Variants in NDST3 observed in about 807,000 individuals in gnomAD.
NDST3 encodes bifunctional heparan sulfate N-deacetylase/N-sulfotransferase 3.
NDST3 carries 58 observed loss-of-function variants against 96.1 expected under a neutral mutation model. That is an observed-to-expected ratio of 0.60 (90% CI 0.49 to 0.75). The LOEUF (loss-of-function observed/expected upper bound fraction) is 0.75, where lower values mean the gene tolerates loss of function less well. NDST3 is among the 30% of genes least tolerant of loss of function. The pLI is 0.00. For synonymous variants in NDST3, 333 were observed against 359.7 expected (o/e 0.93, Z 0.84); for missense variants, 788 against 1,034.2 (o/e 0.76, Z 3.27).
intron 1 of NDST3, among the ~76,000 whole-genome samples, chr4:118,036,489 T>C (rs1342449028): frequency 2.0e-5 from 3 of 152,194 alleles, no homozygotes; most frequent in Non-Finnish European, 4.4e-5. Flanking sequence ...CTGTGTCTAT[T>C]ATAAATGAGC....
chr4:118,041,688 T>C (rs1346282663), intron 1 of NDST3, among the ~76,000 whole-genome samples: 1 of 152,228 alleles, frequency 6.6e-6, no homozygotes, highest in Non-Finnish European at 1.5e-5. Context: ...AGTACCCTAC[T>C]GACCATGCAA....
At chr4:118,172,108 A>G (rs1735991660) in intron 6 of NDST3, among the ~76,000 whole-genome samples, 2 of 152,222 alleles carry the variant, frequency 1.3e-5, no homozygotes, top group Non-Finnish European at 2.9e-5. Context: ...CTCAATGTTC[A>G]TTGCAGTTGG....
chr4:118,186,432 G>A (rs904318634), intron 6 of NDST3, among the ~76,000 whole-genome samples: 6 of 152,166 alleles, frequency 3.9e-5, no homozygotes, highest in Non-Finnish European at 8.8e-5. Flanking sequence ...GCAAGCCAAG[G>A]AGCAAGGAAG....
intron 2 of NDST3, among the ~76,000 whole-genome samples, chr4:118,078,102 C>G (rs573807350): frequency 1.3e-5 from 2 of 152,198 alleles, no homozygotes; most frequent in African/African-American, 4.8e-5. Context: ...TGCACAGGAC[C>G]CCACGGGGCT....
At chr4:118,057,844 A>C (rs1211489708) in intron 2 of NDST3, among the ~76,000 whole-genome samples, 1 of 152,062 alleles carries the variant, frequency 6.6e-6, no homozygotes, top group African/African-American at 2.4e-5. Context: ...AAAGGAAAAA[A>C]GAGAAATTAT....
intron 9 of NDST3, among the ~76,000 whole-genome samples, chr4:118,235,091 C>T (rs867758653): frequency 7.5e-6 from 1 of 132,656 alleles, no homozygotes; most frequent in African/African-American, 2.7e-5. Flanking sequence ...ACCCAAATAA[C>T]AAATAAATGT....
At chr4:118,108,258 G>A (rs1047976699) in intron 3 of NDST3, among the ~76,000 whole-genome samples, 2 of 152,166 alleles carry the variant, frequency 1.3e-5, no homozygotes, top group Non-Finnish European at 2.9e-5. Context: ...CAGTGAAGAA[G>A]AGAATTTGAG....
At chr4:118,163,965 A>T (rs1293906245) in intron 6 of NDST3, among the ~76,000 whole-genome samples, 1 of 152,128 alleles carries the variant, frequency 6.6e-6, no homozygotes, top group Admixed American at 6.6e-5. Context: ...TAAAGACAGA[A>T]CTACCATTTG....
chr4:118,053,397 T>C (rs1186367118), intron 1 of NDST3, among the ~76,000 whole-genome samples: 1 of 152,014 alleles, frequency 6.6e-6, no homozygotes, highest in Non-Finnish European at 1.5e-5. Context: ...TGAGTATGTA[T>C]TACATAATGT....
intron 1 of NDST3, among the ~76,000 whole-genome samples, chr4:118,048,233 G>C (rs751290196): frequency 2.6e-5 from 4 of 152,014 alleles, no homozygotes; most frequent in Admixed American, 6.6e-5. Context: ...AGGGAGTGCT[G>C]AACATGGAAT....
intron 1 of NDST3, among the ~76,000 whole-genome samples, chr4:118,035,245 A>G (rs917916813): frequency 1.3e-5 from 2 of 152,178 alleles, no homozygotes; most frequent in Non-Finnish European, 2.9e-5. Context: ...GAGTTATTTA[A>G]TGTCGAAAAT....
chr4:118,137,905 G>T, intron 4 of NDST3, 149 bp from the exon 5 acceptor site: 1 of 647,238 alleles, frequency 1.5e-6, no homozygotes. Flanking sequence ...GTCTAGAGGT[G>T]TTAATACTTA....
intron 4 of NDST3, among the ~76,000 whole-genome samples, chr4:118,117,718 G>A (rs1246516634): frequency 1.3e-5 from 2 of 152,168 alleles, no homozygotes; most frequent in African/African-American, 4.8e-5. Flanking sequence ...CTCACTAGCA[G>A]TATAATTAAG....
At chr4:118,169,933 G>A (rs1238293224) in intron 6 of NDST3, among the ~76,000 whole-genome samples, 3 of 152,222 alleles carry the variant, frequency 2.0e-5, no homozygotes, top group African/African-American at 7.2e-5. Flanking sequence ...ATCTCTTCAT[G>A]TAGTCCCAGG....
intron 5 of NDST3, among the ~76,000 whole-genome samples, chr4:118,138,764 C>T (rs1237153114): frequency 6.6e-6 from 1 of 152,040 alleles, no homozygotes; most frequent in Non-Finnish European, 1.5e-5. Context: ...CATTTGCATA[C>T]ACCATCTAAT....
chr4:118,120,402 A>G (rs1260477772), intron 4 of NDST3, among the ~76,000 whole-genome samples: 1 of 152,126 alleles, frequency 6.6e-6, no homozygotes, highest in Non-Finnish European at 1.5e-5. Context: ...AAGACAGGGT[A>G]AGCAGGCTCA....
intron 4 of NDST3, among the ~76,000 whole-genome samples, chr4:118,119,263 T>C (rs1176226567): frequency 6.6e-6 from 1 of 152,190 alleles, no homozygotes; most frequent in Non-Finnish European, 1.5e-5. Context: ...ACTTTTCCAA[T>C]ATGGAAATAA....
chr4:118,043,924 T>C (rs1480645518), intron 1 of NDST3, among the ~76,000 whole-genome samples: 3 of 152,218 alleles, frequency 2.0e-5, no homozygotes, highest in Non-Finnish European at 4.4e-5. Context: ...TGGAATTTTT[T>C]CTTTAGCTTC....
intron 6 of NDST3, among the ~76,000 whole-genome samples, chr4:118,175,515 T>C (rs1393007199): frequency 6.6e-6 from 1 of 152,150 alleles, no homozygotes; most frequent in East Asian, 1.9e-4. Flanking sequence ...TTCTTTTCTT[T>C]CCTAGACAAC....
Sources: allele counts gnomAD v4.1 joint callset (sites outside exome capture counted in the v4.1 genomes callset), GRCh38; gene constraint gnomAD v4.1.1; transcripts MANE v1.5; gene names NCBI Gene and HGNC (gene_info 2026-07-23, HGNC 2026-07-21).